Variants in PDLIM5 observed in about 807,000 individuals in gnomAD.
PDLIM5 encodes PDZ and LIM domain 5, also known as PDZ and LIM domain protein 5.
In PDLIM5, 34 loss-of-function variants were observed where a neutral mutation model predicts 64.2. The observed-to-expected ratio is 0.53, with a 90% CI of 0.40 to 0.71. The LOEUF is 0.71. PDLIM5 is among the 30% of genes least tolerant of loss of function. The probability of loss-of-function intolerance (pLI) is 0.00; values close to 1 mark genes in which losing one functional copy is unlikely to be tolerated. For missense variants in PDLIM5, 683 were observed against 733.6 expected (o/e 0.93, Z 0.80); for synonymous variants, 253 against 269.1 (o/e 0.94, Z 0.59).
At chr4:94,456,297 C>G in intron 2 of PDLIM5, 1 of 522,270 alleles carries the variant, frequency 1.9e-6, no homozygotes. Context: ...CTCCCGAGTT[C>G]AAGCGATTCT....
rs190523350 is a variant in PDLIM5, at chr4:94,545,592, G to C, written c.248+21717G>C. 1.8e-3 allele frequency among the ~76,000 whole-genome samples: 278 copies of C among 152,288 alleles called. 1 individual carries two copies. Among genetic ancestry groups the C allele is most frequent in the East Asian group, 4.4e-3 (23 of 5,182 alleles). ...CCCTTCCTAAGAAGATATTCTTAAG[G>C]TTGGAGGTCACTGTTTCTTCTTAAG... On this transcript the variant is annotated intron_variant, in intron 3 of 12. Transcript: ENST00000317968.
At chr4:94,625,590 C>T (rs565105652) in intron 8 of PDLIM5, among the ~76,000 whole-genome samples, 69 of 152,032 alleles carry the variant, frequency 4.5e-4, no homozygotes, top group African/African-American at 1.6e-3. Flanking sequence ...GTAGCTGGGA[C>T]TACAGGCGCC....
intron 2 of PDLIM5, chr4:94,456,516 G>T: frequency 1.4e-6 from 1 of 707,392 alleles, no homozygotes; most frequent in Non-Finnish European, 2.6e-6. Flanking sequence ...TTTATACTTT[G>T]CTTTTTTTTG....
intron 3 of PDLIM5, among the ~76,000 whole-genome samples, chr4:94,535,662 C>A (rs1731258306): frequency 6.6e-6 from 1 of 151,916 alleles, no homozygotes; most frequent in South Asian, 2.1e-4. Flanking sequence ...GGAGAGAGAC[C>A]CAGGTCCTAG....
Position 94,618,072 on chromosome 4 carries a change from TGGACA to T in PDLIM5, c.991_995del (p.Asp331ProfsTer68), listed in dbSNP as rs1159478078. ...TCCACACGGAGCATGCCCGAGAGCC[TGGACA>T]GCCCAACCTCTGGCAGACCAGGGGT... On this transcript the variant is annotated frameshift_variant, in exon 8 of 13. Transcript: ENST00000317968. LOFTEE classifies it high-confidence loss of function. 1 of 1,611,990 alleles carries T rather than the reference TGGACA, an allele frequency of 6.2e-7. No homozygotes were observed. The highest frequency in any genetic ancestry group is 2.2e-5 in the East Asian group (1 of 44,734).
intron 8 of PDLIM5, among the ~76,000 whole-genome samples, chr4:94,631,623 T>G (rs1410202166): frequency 6.6e-6 from 1 of 152,202 alleles, no homozygotes; most frequent in Non-Finnish European, 1.5e-5. Flanking sequence ...CATATTTTAA[T>G]GAATCAAGAC....
chr4:94,610,212 CTT>C, intron 7 of PDLIM5: 1 of 1,521,386 alleles, frequency 6.6e-7, no homozygotes, highest in Middle Eastern at 1.7e-4. Context: ...GTTTTCGAAA[CTT>C]TTCTACCTTC....
intron 2 of PDLIM5, chr4:94,456,610 A>T (rs1276371613): frequency 1.4e-6 from 1 of 731,302 alleles, no homozygotes; most frequent in Non-Finnish European, 2.3e-6. Context: ...ATTTTATTTT[A>T]TAAGGAAAGT....
At chr4:94,554,274 AC>A (rs1733061749) in intron 3 of PDLIM5, among the ~76,000 whole-genome samples, 1 of 152,232 alleles carries the variant, frequency 6.6e-6, no homozygotes, top group South Asian at 2.1e-4. Flanking sequence ...GCTTTTAAAA[AC>A]ATTTATCTTT....
At chr4:94,640,218 T>C in intron 8 of PDLIM5, 58 bp from the exon 9 acceptor site, 1 of 805,904 alleles carries the variant, frequency 1.2e-6, no homozygotes, top group Non-Finnish European at 1.9e-6. Flanking sequence ...TATTTGATTG[T>C]TAGGAAAGGT....
intron 8 of PDLIM5, among the ~76,000 whole-genome samples, chr4:94,620,620 G>T (rs1314041819): frequency 6.6e-6 from 1 of 151,872 alleles, no homozygotes; most frequent in Admixed American, 6.6e-5. Context: ...TAATTAAGTA[G>T]GAATCCATCT....
chr4:94,564,583 A>G (rs1047385609), intron 3 of PDLIM5, among the ~76,000 whole-genome samples: 1 of 150,298 alleles, frequency 6.7e-6, no homozygotes, highest in Non-Finnish European at 1.5e-5. Flanking sequence ...ACTTACTACC[A>G]TGTGAAATAT....
intron 1 of PDLIM5, among the ~76,000 whole-genome samples, chr4:94,452,642 G>A (rs1722959767): frequency 1.3e-5 from 2 of 152,232 alleles, no homozygotes; most frequent in Non-Finnish European, 2.9e-5. Flanking sequence ...GCTTTTGTAA[G>A]ACTGTGCCTT....
At chr4:94,603,433 G>A (rs1218226517) in intron 7 of PDLIM5, among the ~76,000 whole-genome samples, 1 of 152,078 alleles carries the variant, frequency 6.6e-6, no homozygotes, top group East Asian at 1.9e-4. Context: ...CAGAGAAATG[G>A]GGTAGATGGA....
intron 2 of PDLIM5, among the ~76,000 whole-genome samples, chr4:94,501,601 A>C (rs1053367789): frequency 6.6e-6 from 1 of 152,070 alleles, no homozygotes; most frequent in Admixed American, 6.6e-5. Context: ...TTTAGAGTTC[A>C]TTTTTCTGAT....
intron 3 of PDLIM5, among the ~76,000 whole-genome samples, chr4:94,545,591 G>A (rs1014505933): frequency 6.6e-6 from 1 of 152,172 alleles, no homozygotes; most frequent in Non-Finnish European, 1.5e-5. Flanking sequence ...ATATTCTTAA[G>A]GTTGGAGGTC....
chr4:94,463,630 G>C (rs568637325), intron 2 of PDLIM5, among the ~76,000 whole-genome samples: 5 of 152,224 alleles, frequency 3.3e-5, no homozygotes, highest in African/African-American at 1.2e-4. Context: ...GGAAGCAGGA[G>C]AAAGCAGGAG....
intron 2 of PDLIM5, among the ~76,000 whole-genome samples, chr4:94,520,676 G>C (rs184443543): frequency 6.6e-6 from 1 of 152,152 alleles, no homozygotes; most frequent in Non-Finnish European, 1.5e-5. Context: ...TTGTTTTTCT[G>C]TGTATTGGGC....
chr4:94,567,144 C>A (rs1289504908), intron 3 of PDLIM5, among the ~76,000 whole-genome samples: 2 of 152,154 alleles, frequency 1.3e-5, no homozygotes, highest in African/African-American at 2.4e-5. Context: ...AGGCGCCCGC[C>A]ACCACACCTG....
Sources: gnomAD v4.1 joint callset for allele counts (sites outside exome capture counted in the v4.1 genomes callset) on GRCh38, gnomAD v4.1.1 for gene constraint, MANE v1.5 for transcripts, NCBI Gene and HGNC (gene_info 2026-07-23, HGNC 2026-07-21) for gene names.